The following NBEA variants were observed in gnomAD, a reference collection of about 807,000 sequenced individuals.
NBEA encodes the protein neurobeachin.
A neutral mutation model predicts 343.4 loss-of-function variants in NBEA; 44 were observed. The observed-to-expected ratio is 0.13, with a 90% CI of 0.10 to 0.16. The LOEUF (loss-of-function observed/expected upper bound fraction) is 0.16. NBEA is among the 10% of genes least tolerant of loss of function. The pLI, the probability that NBEA is intolerant of heterozygous loss-of-function variation, is 1.00. For synonymous variants in NBEA, 1,175 were observed against 1,238.7 expected (o/e 0.95, Z 1.08); for missense variants, 2,555 against 3,631.3 (o/e 0.70, Z 7.62).
intron 24 of NBEA, among the ~76,000 whole-genome samples, chr13:35,166,226 A>G (rs2070015542): frequency 2.0e-5 from 3 of 152,208 alleles, no homozygotes; most frequent in Admixed American, 6.6e-5. Context: ...TTCAATTTGT[A>G]TAGGTTTAAA....
rs138674948 is a variant in NBEA, at chr13:35,146,918, G to A, written c.2445+4541G>A. On this transcript the variant is annotated intron_variant, in intron 18 of 58. Coordinates refer to ENST00000379939, the MANE Select transcript of NBEA (RefSeq NM_001385012.1). ...TTCTGTGGTTTTCTTCTGATGTCAG[G>A]TGCTGACTGGCTGATAAAGTGTGTC... Among the ~76,000 whole-genome samples the A allele has an allele frequency of 2.1e-4, 32 of 152,232 alleles. No individual in the cohort carries two copies. The East Asian group carries it at 5.8e-3, about 28-fold the overall frequency.
At chr13:35,588,728 G>T (rs957213197) in intron 46 of NBEA, among the ~76,000 whole-genome samples, 1 of 152,116 alleles carries the variant, frequency 6.6e-6, no homozygotes, top group East Asian at 1.9e-4. Flanking sequence ...TACTTGGAAT[G>T]TTTTTACTTT....
At chr13:35,315,864 T>C (rs2037679429) in intron 36 of NBEA, among the ~76,000 whole-genome samples, 1 of 152,114 alleles carries the variant, frequency 6.6e-6, no homozygotes, top group Non-Finnish European at 1.5e-5. Flanking sequence ...CCAACAAGCA[T>C]TGGTTTGCTT....
chr13:35,276,313 G>T (rs139839012), intron 34 of NBEA, among the ~76,000 whole-genome samples: 2 of 152,058 alleles, frequency 1.3e-5, no homozygotes, highest in Non-Finnish European at 2.9e-5. Context: ...AAAAAAAGAG[G>T]CTATGTTTAG....
chr13:35,163,801 A>G (rs1241369927), intron 23 of NBEA, among the ~76,000 whole-genome samples: 1 of 151,912 alleles, frequency 6.6e-6, no homozygotes, highest in Non-Finnish European at 1.5e-5. Flanking sequence ...CTATCATGTC[A>G]CTTCTTTAGC....
chr13:35,010,427 A>T (rs1175426119), intron 1 of NBEA, among the ~76,000 whole-genome samples: 1 of 151,754 alleles, frequency 6.6e-6, no homozygotes, highest in Non-Finnish European at 1.5e-5. Context: ...AAAGCGAAAC[A>T]AATATTAGCC....
intron 10 of NBEA, among the ~76,000 whole-genome samples, chr13:35,084,794 G>A (rs919362182): frequency 6.6e-6 from 1 of 152,060 alleles, no homozygotes; most frequent in African/African-American, 2.4e-5. Flanking sequence ...GAATCCAGGA[G>A]CTGGTTTTTT....
intron 35 of NBEA, among the ~76,000 whole-genome samples, chr13:35,297,849 A>C (rs765855571): frequency 1.3e-5 from 2 of 151,930 alleles, no homozygotes; most frequent in East Asian, 1.9e-4. Context: ...AAAATACATA[A>C]AATGTAAAAT....
At chr13:35,378,929 C>T (rs149756861) in intron 38 of NBEA, among the ~76,000 whole-genome samples, 1 of 152,004 alleles carries the variant, frequency 6.6e-6, no homozygotes, top group African/African-American at 2.4e-5. Flanking sequence ...TATCTTTTGC[C>T]CAATATTACA....
chr13:35,362,991 CA>C (rs11360281), intron 38 of NBEA, among the ~76,000 whole-genome samples: 35,667 of 151,772 alleles, frequency 0.24, 5,766 homozygotes, highest in African/African-American at 0.46. Flanking sequence ...AGAATATTCT[CA>C]TGCAGTCTAT....
chr13:35,545,004 T>A (rs2079001312), intron 41 of NBEA, among the ~76,000 whole-genome samples: 1 of 152,104 alleles, frequency 6.6e-6, no homozygotes. Context: ...ACCACAAACC[T>A]CAAGTATACA....
At position 35,402,314 on chromosome 13, in the gene NBEA, A is replaced by G. The variant is rs191548736; in HGVS notation, c.6180-29955A>G. On this transcript the variant is annotated intron_variant, in intron 38 of 58. Coordinates refer to ENST00000379939, the MANE Select transcript of NBEA (RefSeq NM_001385012.1). The stretch of plus-strand genomic sequence containing the variant: ...TGTTATCTTTAAATATCAATTTTAA[A>G]TAAGTACAAAATCATTTCTGTATTG... 2.3e-3 allele frequency among the ~76,000 whole-genome samples: 344 copies of G among 152,204 alleles called. 2 individuals are homozygous for G. The highest frequency in any genetic ancestry group is 4.6e-3 in the Admixed American group (70 of 15,246).
chr13:35,446,313 A>G (rs999349589), intron 39 of NBEA, among the ~76,000 whole-genome samples: 2 of 152,120 alleles, frequency 1.3e-5, no homozygotes, highest in Non-Finnish European at 2.9e-5. Flanking sequence ...ATGATTTATA[A>G]TCCTTTGGGT....
At chr13:35,573,469 CAG>C (rs1482088425) in intron 45 of NBEA, among the ~76,000 whole-genome samples, 1 of 152,140 alleles carries the variant, frequency 6.6e-6, no homozygotes, top group Non-Finnish European at 1.5e-5. Context: ...TAACCAGAAA[CAG>C]TGAAGTGTTT....
intron 38 of NBEA, among the ~76,000 whole-genome samples, chr13:35,369,734 G>A (rs963415505): frequency 5.3e-5 from 8 of 151,776 alleles, no homozygotes; most frequent in Middle Eastern, 3.2e-3. Context: ...TTATCAGATC[G>A]AAGAGGTTTT....
chr13:35,185,779 T>C (rs2071657819), intron 30 of NBEA: 1 of 152,180 alleles, frequency 6.6e-6, no homozygotes, highest in Admixed American at 6.5e-5. Context: ...GCCAATGTGG[T>C]AAACTTGCTA....
intron 38 of NBEA, among the ~76,000 whole-genome samples, chr13:35,415,658 C>G (rs1426629199): frequency 6.6e-6 from 1 of 152,042 alleles, no homozygotes; most frequent in African/African-American, 2.4e-5. Flanking sequence ...AGTTTGAAGT[C>G]AGGTAGTGTG....
chr13:35,312,651 T>C (rs2037445506), intron 36 of NBEA, among the ~76,000 whole-genome samples: 2 of 152,152 alleles, frequency 1.3e-5, no homozygotes, highest in South Asian at 4.1e-4. Context: ...TTGAAGAATA[T>C]GGTGTCATGG....
At position 35,035,471 on chromosome 13, in the gene NBEA, G is replaced by T. The variant is rs2062404426; in HGVS notation, c.295-5462G>T. On this transcript the variant is annotated intron_variant, in intron 1 of 58. Transcript: ENST00000379939. Reference sequence around the variant, plus strand: ...CAGTTGATCCATGTGCTGAGGAAAAGAATGTGTATTCTGCAGCTCCTGGAT... The same window carrying T: ...CAGTTGATCCATGTGCTGAGGAAAATAATGTGTATTCTGCAGCTCCTGGAT... Among the ~76,000 whole-genome samples, 4 of 151,940 alleles carry T rather than the reference G, an allele frequency of 2.6e-5. No individual in the cohort carries two copies. In the South Asian group the frequency reaches 6.2e-4, roughly 24 times the overall value.
Sources: allele counts gnomAD v4.1 joint callset (sites outside exome capture counted in the v4.1 genomes callset), GRCh38; gene constraint gnomAD v4.1.1; transcripts MANE v1.5; gene names NCBI Gene and HGNC (gene_info 2026-07-23, HGNC 2026-07-21).